Variants in GSK3B observed in about 807,000 individuals in gnomAD.
The protein encoded by GSK3B is glycogen synthase kinase-3 beta.
In GSK3B, 15 loss-of-function variants were observed where a neutral mutation model predicts 56.4. The observed-to-expected ratio is 0.27, with a 90% CI of 0.18 to 0.41. GSK3B has a LOEUF of 0.41. GSK3B is among the 10% of genes least tolerant of loss of function. The pLI, the probability that GSK3B is intolerant of heterozygous loss-of-function variation, is 1.00. For missense variants in GSK3B, 300 were observed against 513.4 expected (o/e 0.58, Z 4.02); for synonymous variants, 181 against 188.9 (o/e 0.96, Z 0.34).
chr3:119,864,392 T>A (rs1263914933), intron 8 of GSK3B, among the ~76,000 whole-genome samples: 1 of 152,166 alleles, frequency 6.6e-6, no homozygotes, highest in Non-Finnish European at 1.5e-5. Context: ...TAAATAAAGC[T>A]AATAAATACA....
At chr3:119,902,261 T>A (rs1296584123) in intron 7 of GSK3B, among the ~76,000 whole-genome samples, 2 of 152,154 alleles carry the variant, frequency 1.3e-5, no homozygotes, top group African/African-American at 4.8e-5. Context: ...AATAGCTAGA[T>A]CAGCATTTCT....
chr3:119,936,355 T>TA (rs369231645), intron 3 of GSK3B, among the ~76,000 whole-genome samples: 2,746 of 45,168 alleles, frequency 0.061, 53 homozygotes, highest in African/African-American at 0.28. Context: ...TATATATATA[T>TA]TTTTTTTTTG....
At chr3:119,928,612 T>TAAAAAAAAAAAAAAAAA (rs1160252679) in intron 3 of GSK3B, among the ~76,000 whole-genome samples, 1 of 67,028 alleles carries the variant, frequency 1.5e-5, no homozygotes, top group Non-Finnish European at 3.0e-5. Context: ...ATCAAAAAAA[T>TAAAAAAAAAAAAAAAAA]AAAAAAAAAA....
intron 1 of GSK3B, among the ~76,000 whole-genome samples, chr3:120,070,504 C>A (rs2058318152): frequency 6.6e-6 from 1 of 151,348 alleles, no homozygotes; most frequent in Non-Finnish European, 1.5e-5. Context: ...CTAAGCTGTA[C>A]TATACCTGAT....
intron 1 of GSK3B, among the ~76,000 whole-genome samples, chr3:120,091,817 G>A (rs1025037702): frequency 1.5e-4 from 22 of 149,124 alleles, no homozygotes; most frequent in Non-Finnish European, 1.0e-4. Flanking sequence ...CTACTTGCAA[G>A]CCACAAGAAA....
chr3:119,938,151 A>G (rs2057014167), intron 3 of GSK3B, among the ~76,000 whole-genome samples: 1 of 152,130 alleles, frequency 6.6e-6, no homozygotes, highest in South Asian at 2.1e-4. Context: ...CAACAAAGTA[A>G]AGTCCAGGAC....
At chr3:120,029,199 C>G (rs531132885) in intron 1 of GSK3B, 14 of 681,814 alleles carry the variant, frequency 2.1e-5, no homozygotes, top group Non-Finnish European at 3.5e-5. Flanking sequence ...AGGAGATTAA[C>G]AAGTGGTAGA....
At chr3:119,948,078 T>C (rs2107492716) in intron 2 of GSK3B, among the ~76,000 whole-genome samples, 1 of 152,292 alleles carries the variant, frequency 6.6e-6, no homozygotes, top group South Asian at 2.1e-4. Flanking sequence ...AAAGAGGTTA[T>C]TATAGTCCAA....
intron 7 of GSK3B, among the ~76,000 whole-genome samples, chr3:119,894,478 G>A (rs1576180936): frequency 6.6e-6 from 1 of 152,102 alleles, no homozygotes; most frequent in East Asian, 1.9e-4. Context: ...ATTCATTATG[G>A]TACTGACTTG....
intron 10 of GSK3B, among the ~76,000 whole-genome samples, chr3:119,831,473 C>T (rs144541031): frequency 0.015 from 2,243 of 151,984 alleles, 51 homozygotes; most frequent in African/African-American, 0.051. Context: ...CTGGCTAACA[C>T]GGTGAAACCC....
At chr3:119,891,208 G>A (rs1371872054) in intron 7 of GSK3B, among the ~76,000 whole-genome samples, 1 of 151,618 alleles carries the variant, frequency 6.6e-6, no homozygotes, top group African/African-American at 2.4e-5. Flanking sequence ...TGAGTAAAAA[G>A]TACATTCTAT....
At chr3:119,827,289 G>T (rs186500289) in intron 10 of GSK3B, among the ~76,000 whole-genome samples, 1 of 152,172 alleles carries the variant, frequency 6.6e-6, no homozygotes, top group Non-Finnish European at 1.5e-5. Flanking sequence ...TGAAAGTAAC[G>T]TGGGTCAGTG....
At chr3:119,996,200 C>T (rs758032987) in intron 2 of GSK3B, among the ~76,000 whole-genome samples, 15 of 152,226 alleles carry the variant, frequency 9.9e-5, no homozygotes, top group Non-Finnish European at 5.9e-5. Flanking sequence ...GAAATACCCA[C>T]ACAATCCTAG....
At chr3:120,046,573 A>G (rs2058104851) in intron 1 of GSK3B, among the ~76,000 whole-genome samples, 1 of 152,118 alleles carries the variant, frequency 6.6e-6, no homozygotes, top group Non-Finnish European at 1.5e-5. Flanking sequence ...TATCACTTGG[A>G]AAGTTTATTC....
chr3:119,975,546 T>C (rs976355611), intron 2 of GSK3B, among the ~76,000 whole-genome samples: 1 of 152,128 alleles, frequency 6.6e-6, no homozygotes, highest in Non-Finnish European at 1.5e-5. Context: ...ATATACTGTA[T>C]GATTCCAAGA....
chr3:120,012,343 G>C (rs1164850468), intron 1 of GSK3B, among the ~76,000 whole-genome samples: 1 of 152,100 alleles, frequency 6.6e-6, no homozygotes, highest in Non-Finnish European at 1.5e-5. Flanking sequence ...TAACCACTTT[G>C]CCCAGTACTA....
chr3:119,853,012 G>A (rs7641045), intron 9 of GSK3B, among the ~76,000 whole-genome samples: 1 of 152,022 alleles, frequency 6.6e-6, no homozygotes, highest in East Asian at 1.9e-4. Flanking sequence ...CCTATGTCCT[G>A]AATGGTATTG....
chr3:119,977,771 A>G (rs2057421284), intron 2 of GSK3B, among the ~76,000 whole-genome samples: 1 of 152,208 alleles, frequency 6.6e-6, no homozygotes, highest in Admixed American at 6.5e-5. Flanking sequence ...TATAAAACCA[A>G]TAGGGGGAAA....
At chr3:119,868,330 A>C (rs1434976152) in intron 8 of GSK3B, among the ~76,000 whole-genome samples, 1 of 152,210 alleles carries the variant, frequency 6.6e-6, no homozygotes. Flanking sequence ...TTTCAAAAAG[A>C]AAGTTTCTGC....
Sources: allele counts gnomAD v4.1 joint callset (sites outside exome capture counted in the v4.1 genomes callset), GRCh38; gene constraint gnomAD v4.1.1; transcripts MANE v1.5; gene names NCBI Gene and HGNC (gene_info 2026-07-23, HGNC 2026-07-21).